Variants in ZNF333 observed in about 807,000 individuals in gnomAD.
ZNF333 encodes the protein zinc finger protein 333.
ZNF333 carries 61 observed loss-of-function variants against 76.1 expected under a neutral mutation model. That is an observed-to-expected ratio of 0.80 (90% CI 0.65 to 0.99). The LOEUF (loss-of-function observed/expected upper bound fraction) is 0.99. Ranked by LOEUF, ZNF333 falls within the 50% of genes least tolerant of loss-of-function variation. The pLI is 0.00. For missense variants in ZNF333, 717 were observed against 822.4 expected (o/e 0.87, Z 1.57); for synonymous variants, 284 against 305.0 (o/e 0.93, Z 0.72).
At chr19:14,727,778 C>G (rs2042643067) in intron 11 of ZNF333, among the ~76,000 whole-genome samples, 1 of 152,112 alleles carries the variant, frequency 6.6e-6, no homozygotes, top group Non-Finnish European at 1.5e-5. Context: ...TTCCTTTAAT[C>G]CCATTTAATG....
chr19:14,704,831 A>G (rs2042062225), intron 5 of ZNF333, among the ~76,000 whole-genome samples: 1 of 152,200 alleles, frequency 6.6e-6, no homozygotes, highest in Non-Finnish European at 1.5e-5. Flanking sequence ...AACCATATCA[A>G]TGGGGCTTCG....
rs769769041 is a variant in ZNF333, at chr19:14,719,087, A to G, written c.1760A>G (p.Lys587Arg). 6.2e-7 allele frequency: 1 copy of G among 1,614,184 alleles called. No individual in the cohort carries two copies. The highest frequency in any genetic ancestry group is 8.5e-7 in the Non-Finnish European group (1 of 1,180,030). The stretch of plus-strand genomic sequence containing the variant: ...AAACATGCAAGGACTCACAGTGGCA[A>G]GAAGCCCTATGCATGCCAGGAATGC... ...LRKHARTHSGKKPYACQECGR... is the reference protein window; with the variant it reads ...LRKHARTHSGRKPYACQECGR... The change falls in exon 12 of 12, where the codon AAG becomes AGG. Residue 587 changes from lysine to arginine, a missense_variant. By Grantham distance (26) the Lys-to-Arg change is conservative. Coordinates refer to ENST00000292530, the MANE Select transcript of ZNF333 (RefSeq NM_032433.4).
intron 11 of ZNF333, among the ~76,000 whole-genome samples, chr19:14,730,889 T>A (rs1188807884): frequency 6.6e-6 from 1 of 151,936 alleles, no homozygotes; most frequent in African/African-American, 2.4e-5. Flanking sequence ...AGCTCTCTCT[T>A]ACAGGTGAGA....
chr19:14,713,345 C>T (rs889723205), intron 7 of ZNF333, among the ~76,000 whole-genome samples: 2 of 152,172 alleles, frequency 1.3e-5, no homozygotes, highest in African/African-American at 2.4e-5. Context: ...GTTGGAAGCT[C>T]TGACCTCTGG....
At chr19:14,694,619 A>G (rs1973038530) in intron 2 of ZNF333, among the ~76,000 whole-genome samples, 1 of 152,250 alleles carries the variant, frequency 6.6e-6, no homozygotes, top group Admixed American at 6.5e-5. Context: ...TGCTGTGCCA[A>G]TTTGTAATAA....
rs6511961 is a variant in ZNF333 at position 14,706,736 on chromosome 19, T to A, written c.474T>A (p.Thr158=). The part of the protein sequence containing the change: ...QIQRVVIPVP[T]LGHRNPWVAR... ...AGAGGGTGGTGATACCAGTGCCTAC[T>A]CTGGGCCACCGCAACCCATGGGTGG... The change falls in exon 7 of 12, where the codon ACT becomes ACA. Residue 158 remains threonine (T), a synonymous_variant. Transcript: ENST00000292530. 0.65 allele frequency: 1,043,002 copies of A among 1,613,382 alleles called. 344,603 individuals carry two copies. Among genetic ancestry groups the A allele is most frequent in the African/African-American group, 0.92 (69,219 of 75,002 alleles).
At chr19:14,691,547 G>A (rs998792190) in intron 1 of ZNF333, among the ~76,000 whole-genome samples, 2 of 152,000 alleles carry the variant, frequency 1.3e-5, no homozygotes, top group Non-Finnish European at 2.9e-5. Flanking sequence ...GAATATATGC[G>A]CTTGCCTTGC....
chr19:14,717,211 T>A (rs1194454708), intron 10 of ZNF333, 122 bp downstream of exon 10: 1 of 738,734 alleles, frequency 1.4e-6, no homozygotes, highest in Non-Finnish European at 2.2e-6. Context: ...TTGGTTGAGC[T>A]CCCTTATTAA....
chr19:14,694,040 C>T (rs971625743), intron 2 of ZNF333, among the ~76,000 whole-genome samples: 14 of 151,810 alleles, frequency 9.2e-5, no homozygotes, highest in African/African-American at 3.4e-4. Flanking sequence ...CTCAGTCGCC[C>T]CAGTCACATT....
exon 12 of ZNF333, chr19:14,731,280 G>C (rs2042669168): frequency 7.9e-7 from 1 of 1,266,266 alleles, no homozygotes; most frequent in Non-Finnish European, 1.1e-6. Context: ...GGGGCTTGAA[G>C]ACTCCAAATC....
At chr19:14,701,998 T>A in intron 5 of ZNF333, 1 of 757,402 alleles carries the variant, frequency 1.3e-6, no homozygotes, top group African/African-American at 1.9e-5. Flanking sequence ...TGCTGCTGGG[T>A]TGATGGTGCT....
chr19:14,728,904 T>C (rs2042650087), intron 11 of ZNF333, among the ~76,000 whole-genome samples: 1 of 152,114 alleles, frequency 6.6e-6, no homozygotes. Flanking sequence ...TCCATGTCCT[T>C]CCCCCATGGG....
Position 14,720,939 on chromosome 19 carries a change from C to G in ZNF333, c.*1614C>G, listed in dbSNP as rs2042571609. The G allele has an allele frequency of 2.2e-6, 2 of 897,854 alleles. No individual in the cohort carries two copies. The highest frequency in any genetic ancestry group is 5.2e-5 in the South Asian group (1 of 19,360). 55.6% of individuals were successfully genotyped at this position (897,854 alleles called of 1,614,324 possible). A position where few individuals can be genotyped will look rare whatever the true frequency, so the allele number is the denominator to read the frequency against. ...GAAGCAATGAAATTAAATATAGATA[C>G]TGACATTTTTTACATTTCCAACAAA... On this transcript the variant is annotated 3_prime_UTR_variant, in exon 12 of 12. Transcript: ENST00000292530.
intron 6 of ZNF333, chr19:14,706,277 C>T: frequency 2.4e-6 from 1 of 416,210 alleles, no homozygotes; most frequent in South Asian, 1.7e-5. Flanking sequence ...GAAGAGACCA[C>T]ATCCTACTCC....
rs999877352 is a variant in ZNF333, at chr19:14,696,436, A to G, written c.223+775A>G. 2.0e-5 allele frequency among the ~76,000 whole-genome samples: 3 copies of G among 152,176 alleles called. No homozygotes were observed. The East Asian group carries it at 5.8e-4, about 29-fold the overall frequency. Reference sequence around the variant, plus strand: ...GACATTTGTATATGGAAATCGTATCATAAGTAGCCTTTGGTATCCGGCTTA... The same window carrying G: ...GACATTTGTATATGGAAATCGTATCGTAAGTAGCCTTTGGTATCCGGCTTA... On this transcript the variant is annotated intron_variant, in intron 4 of 11. Transcript: ENST00000292530.
upstream of ZNF333, chr19:14,690,004 G>A (rs1275725186): frequency 1.3e-5 from 2 of 152,574 alleles, no homozygotes; most frequent in African/African-American, 4.8e-5. Flanking sequence ...GGCCACAACA[G>A]CCTGAGCCAC....
intron 5 of ZNF333, among the ~76,000 whole-genome samples, chr19:14,703,202 C>CA (rs35839207): frequency 0.33 from 24,127 of 72,530 alleles, 3,149 homozygotes; most frequent in Middle Eastern, 0.53. Flanking sequence ...GACTCCGTCT[C>CA]AAAAAAAAAA....
At chr19:14,724,537 G>A (rs573163320), downstream of ZNF333, among the ~76,000 whole-genome samples, 2 of 152,252 alleles carry the variant, frequency 1.3e-5, no homozygotes, top group East Asian at 1.9e-4. Flanking sequence ...AGGCCGAGGC[G>A]GGTGGATCAC....
chr19:14,699,291 A>G lies in ZNF333; in HGVS notation c.306+10A>G. The G allele has an allele frequency of 6.2e-7, 1 of 1,613,032 alleles. No homozygotes were observed. The highest frequency in any genetic ancestry group is 1.3e-5 in the African/African-American group (1 of 75,004). On this transcript the variant is annotated intron_variant, in intron 5 of 11. Transcript: ENST00000292530. ...CAGGGACATGCAAATGGTAAGATGC[A>G]CGGGGTTTTCCCCGGCTCCCAGCAT...
Sources: gnomAD v4.1 joint callset for allele counts (sites outside exome capture counted in the v4.1 genomes callset) on GRCh38, gnomAD v4.1.1 for gene constraint, MANE v1.5 for transcripts, NCBI Gene and HGNC (gene_info 2026-07-23, HGNC 2026-07-21) for gene names.